KLHL29: variants seen among roughly 807,000 people sequenced by gnomAD.
The protein encoded by KLHL29 is kelch like family member 29.
Under a neutral mutation model 80.4 loss-of-function variants are expected in KLHL29, and 21 were observed. That is an observed-to-expected ratio of 0.26 (90% CI 0.19 to 0.38). KLHL29 has a LOEUF of 0.38. KLHL29 is among the 10% of genes least tolerant of loss of function. The pLI is 1.00. For synonymous variants in KLHL29, 511 were observed against 526.8 expected (o/e 0.97, Z 0.41); for missense variants, 867 against 1,223.9 (o/e 0.71, Z 4.35).
intron 1 of KLHL29, among the ~76,000 whole-genome samples, chr2:23,428,749 G>A (rs1663076620): frequency 1.3e-5 from 2 of 152,138 alleles, no homozygotes. Flanking sequence ...TTGGAACTTG[G>A]CATACCCTGA....
chr2:23,654,689 C>T lies in KLHL29; in HGVS notation c.940+11839C>T, dbSNP rs1179726480. On this transcript the variant is annotated intron_variant, in intron 5 of 13. Transcript: ENST00000486442. ...TGCAGCCTTCTCTTCCAGAAGGGAACAGAGGTTGGGGGGGGGGGGTGGATG... is the reference window on the plus strand; with the variant it reads ...TGCAGCCTTCTCTTCCAGAAGGGAATAGAGGTTGGGGGGGGGGGGTGGATG... 1.5e-3 allele frequency among the ~76,000 whole-genome samples: 33 copies of T among 22,126 alleles called. 1 individual carries two copies. Among genetic ancestry groups the T allele is most frequent in the Admixed American group, 4.6e-3 (4 of 876 alleles). 14.5% of individuals were successfully genotyped at this position (22,126 alleles called of 152,430 possible).
At chr2:23,492,868 G>T (rs532679993) in intron 2 of KLHL29, among the ~76,000 whole-genome samples, 2 of 152,030 alleles carry the variant, frequency 1.3e-5, no homozygotes, top group African/African-American at 4.8e-5. Flanking sequence ...CCTCCTTACC[G>T]TAGCCTCACG....
chr2:23,645,807 G>A (rs549074920), intron 5 of KLHL29, among the ~76,000 whole-genome samples: 13 of 152,300 alleles, frequency 8.5e-5, no homozygotes, highest in African/African-American at 1.7e-4. Flanking sequence ...CAAAAAGGGC[G>A]TTGGGACTTT....
intron 2 of KLHL29, among the ~76,000 whole-genome samples, chr2:23,478,892 T>C (rs1426074960): frequency 2.0e-5 from 3 of 152,022 alleles, no homozygotes; most frequent in African/African-American, 7.2e-5. Flanking sequence ...CCATGGGCCA[T>C]GTCCTGGGCT....
At chr2:23,589,297 C>T (rs1310188593) in intron 3 of KLHL29, among the ~76,000 whole-genome samples, 1 of 152,214 alleles carries the variant, frequency 6.6e-6, no homozygotes, top group African/African-American at 2.4e-5. Context: ...GGAAGCTGTC[C>T]CCACTGGGAC....
intron 2 of KLHL29, among the ~76,000 whole-genome samples, chr2:23,514,553 A>G (rs1572369319): frequency 6.6e-6 from 1 of 152,268 alleles, no homozygotes; most frequent in Non-Finnish European, 1.5e-5. Flanking sequence ...AGCAGCAGGG[A>G]TCTAGGAACA....
At chr2:23,603,367 C>T (rs1299874674) in intron 3 of KLHL29, among the ~76,000 whole-genome samples, 3 of 152,094 alleles carry the variant, frequency 2.0e-5, no homozygotes, top group Non-Finnish European at 2.9e-5. Flanking sequence ...GCTACAGCGG[C>T]GGCAGTCAGG....
chr2:23,630,170 A>G (rs1669433397), intron 3 of KLHL29, among the ~76,000 whole-genome samples: 1 of 152,246 alleles, frequency 6.6e-6, no homozygotes, highest in African/African-American at 2.4e-5. Flanking sequence ...AGCCAGGGAG[A>G]TAACAGCTAG....
At chr2:23,452,948 C>A (rs142273458) in intron 1 of KLHL29, among the ~76,000 whole-genome samples, 2 of 151,892 alleles carry the variant, frequency 1.3e-5, no homozygotes, top group Non-Finnish European at 2.9e-5. Flanking sequence ...ACTTGAGCTG[C>A]GCTTCCACAT....
chr2:23,657,359 C>A (rs1022451440), intron 5 of KLHL29, among the ~76,000 whole-genome samples: 9 of 152,196 alleles, frequency 5.9e-5, no homozygotes, highest in Non-Finnish European at 1.5e-5. Flanking sequence ...CTTTTCACTT[C>A]TTTACTGTTC....
intron 2 of KLHL29, among the ~76,000 whole-genome samples, chr2:23,479,230 C>T (rs1215794322): frequency 4.6e-5 from 7 of 151,684 alleles, no homozygotes; most frequent in East Asian, 3.9e-4. Flanking sequence ...CTGAAAAGGC[C>T]GTGTGACCAC....
At chr2:23,569,319 G>A (rs2103501451) in intron 3 of KLHL29, among the ~76,000 whole-genome samples, 1 of 152,314 alleles carries the variant, frequency 6.6e-6, no homozygotes, top group Middle Eastern at 3.4e-3. Context: ...GGTAACCACA[G>A]ATTCGGACAG....
At chr2:23,484,368 T>C (rs1458254024) in intron 2 of KLHL29, among the ~76,000 whole-genome samples, 2 of 152,202 alleles carry the variant, frequency 1.3e-5, no homozygotes, top group African/African-American at 4.8e-5. Context: ...GTGTTGCAAC[T>C]CATTTAGATA....
chr2:23,692,948 C>T (rs975830217), intron 7 of KLHL29, among the ~76,000 whole-genome samples: 8 of 152,166 alleles, frequency 5.3e-5, no homozygotes, highest in South Asian at 2.1e-4. Flanking sequence ...CAGTGTGACT[C>T]CTGACGCCTG....
At chr2:23,474,633 G>A (rs902470542) in intron 1 of KLHL29, among the ~76,000 whole-genome samples, 1 of 152,052 alleles carries the variant, frequency 6.6e-6, no homozygotes. Context: ...ATCAGCGGCC[G>A]CTGGAAAAGC....
intron 5 of KLHL29, among the ~76,000 whole-genome samples, chr2:23,661,909 T>TAGA: frequency 6.6e-6 from 1 of 152,362 alleles, no homozygotes; most frequent in East Asian, 1.9e-4. Flanking sequence ...GGTCGCCAGG[T>TAGA]ATCCTCTAGA....
intron 2 of KLHL29, among the ~76,000 whole-genome samples, chr2:23,512,445 CAA>C (rs35197507): frequency 3.4e-4 from 49 of 144,864 alleles, no homozygotes; most frequent in Non-Finnish European, 3.5e-4. Context: ...AATTCTGTCT[CAA>C]AAAAAAAAAA....
At chr2:23,636,751 A>G (rs1669621693) in intron 3 of KLHL29, among the ~76,000 whole-genome samples, 2 of 152,220 alleles carry the variant, frequency 1.3e-5, no homozygotes, top group African/African-American at 4.8e-5. Flanking sequence ...CAAGGGGCTG[A>G]GCAATCTGTG....
At chr2:23,665,092 A>C (rs965327838) in intron 5 of KLHL29, among the ~76,000 whole-genome samples, 4 of 152,250 alleles carry the variant, frequency 2.6e-5, no homozygotes, top group Non-Finnish European at 5.9e-5. Flanking sequence ...GCTGGTACTC[A>C]GATGGAGAAT....
Sources: gnomAD v4.1 joint callset for allele counts (sites outside exome capture counted in the v4.1 genomes callset) on GRCh38, gnomAD v4.1.1 for gene constraint, MANE v1.5 for transcripts, NCBI Gene and HGNC (gene_info 2026-07-23, HGNC 2026-07-21) for gene names.